Variants in TRIM71 observed in about 807,000 individuals in gnomAD.
The protein encoded by TRIM71 is tripartite motif containing 71.
Under a neutral mutation model 61.2 loss-of-function variants are expected in TRIM71, and 9 were observed. The observed-to-expected ratio is 0.15, with a 90% CI of 0.09 to 0.26. The LOEUF (loss-of-function observed/expected upper bound fraction) is 0.26. Ranked by LOEUF, TRIM71 falls within the 10% of genes least tolerant of loss-of-function variation. TRIM71 has a pLI of 1.00. For missense variants in TRIM71, 998 were observed against 1,238.7 expected (o/e 0.81, Z 2.92); for synonymous variants, 645 against 553.2 (o/e 1.17, Z -2.33).
intron 1 of TRIM71, among the ~76,000 whole-genome samples, chr3:32,850,896 C>G (rs919305262): frequency 6.6e-6 from 1 of 152,204 alleles, no homozygotes; most frequent in Admixed American, 6.5e-5. Flanking sequence ...TCTCCACCCC[C>G]ACCACCCACC....
chr3:32,882,906 C>G (rs1477635080), intron 2 of TRIM71, among the ~76,000 whole-genome samples: 1 of 152,196 alleles, frequency 6.6e-6, no homozygotes, highest in African/African-American at 2.4e-5. Flanking sequence ...TCAGATCTTG[C>G]CACTCTCAGA....
At position 32,890,200 on chromosome 3, in the gene TRIM71, T is replaced by TG. The variant is rs1190098580; in HGVS notation, c.1156-159dup. Among the ~76,000 whole-genome samples, 1 of 152,204 alleles carries TG rather than the reference T, an allele frequency of 6.6e-6. No individual in the cohort carries two copies. Among genetic ancestry groups the TG allele is most frequent in the African/African-American group, 2.4e-5 (1 of 41,434 alleles). On this transcript the variant is annotated intron_variant, in intron 3 of 3. Coordinates refer to ENST00000383763, the MANE Select transcript of TRIM71 (RefSeq NM_001039111.3). This position sits in a 1 kb window ranked among gnomAD's most constrained non-coding sequence, Gnocchi z 6.2. ...GTTCTTCAGGTTTTTTGGTCCATTT[T>TG]GATTTTGCTGCTTTTGAAGAAAGAC...
chr3:32,824,890 G>A (rs1214246609), intron 1 of TRIM71, among the ~76,000 whole-genome samples: 2 of 152,186 alleles, frequency 1.3e-5, no homozygotes, highest in Non-Finnish European at 2.9e-5. Flanking sequence ...CGCCTCCCTG[G>A]TTCAAGCAAT....
rs188913884 is a variant in TRIM71 at position 32,892,016 on chromosome 3, A to G, written c.*205A>G. On this transcript the variant is annotated 3_prime_UTR_variant, in exon 4 of 4. Transcript: ENST00000383763. ...TCTTTATTTTTTTACAGATGAATGT[A>G]CTTATCTTTTCTGCAGGGATTGAGC... The G allele has an allele frequency of 9.8e-5, 66 of 671,288 alleles. No individual in the cohort carries two copies. In the East Asian group the frequency reaches 2.0e-3, roughly 20 times the overall value. 41.6% of individuals were successfully genotyped at this position (671,288 alleles called of 1,614,324 possible).
chr3:32,880,661 A>T (rs1380415533), intron 2 of TRIM71, among the ~76,000 whole-genome samples: 1 of 152,180 alleles, frequency 6.6e-6, no homozygotes, highest in Non-Finnish European at 1.5e-5. Context: ...GTAGCACCTC[A>T]TCACTGTTGT....
rs36138060 is a variant in TRIM71 at position 32,855,990 on chromosome 3, TTTTATTTA to T, written c.853-17808_853-17801del. On this transcript the variant is annotated intron_variant, in intron 1 of 3. Transcript: ENST00000383763. ...GAAGGTACCTAGTTTTCTCTAATAG[TTTTATTTA>T]TTTATTTATTTATTTATTTTTGCTT... Among the ~76,000 whole-genome samples, 106 of 151,124 alleles carry T rather than the reference TTTTATTTA, an allele frequency of 7.0e-4. No homozygotes were observed. The South Asian group carries it at 0.012, about 17-fold the overall frequency.
At chr3:32,845,722 T>G (rs1696463194) in intron 1 of TRIM71, among the ~76,000 whole-genome samples, 1 of 152,010 alleles carries the variant, frequency 6.6e-6, no homozygotes, top group African/African-American at 2.4e-5. Flanking sequence ...TTGGATCTTT[T>G]TTTTTTTTTG....
At chr3:32,864,859 T>TGG (rs1015053616) in intron 1 of TRIM71, among the ~76,000 whole-genome samples, 3 of 24,006 alleles carry the variant, frequency 1.2e-4, no homozygotes, top group African/African-American at 3.6e-4. Flanking sequence ...TGTGTGTGTG[T>TGG]GTGTGTGTGT....
chr3:32,857,787 A>G (rs907328006), intron 1 of TRIM71, among the ~76,000 whole-genome samples: 3 of 152,198 alleles, frequency 2.0e-5, no homozygotes, highest in Non-Finnish European at 4.4e-5. Context: ...CCTGGCCAAC[A>G]TGGCGAAACC....
intron 1 of TRIM71, among the ~76,000 whole-genome samples, chr3:32,851,040 T>TTTCTTATGG (rs1475485030): frequency 2.0e-5 from 3 of 152,200 alleles, no homozygotes; most frequent in African/African-American, 7.2e-5. Context: ...CCTGTTTTGT[T>TTTCTTATGG]TTCTTATGGT....
In TRIM71 at chr3:32,829,945, T is replaced by TTC. The variant is rs1553643480; in HGVS notation, c.852+11013_852+11014insTC. 1.5e-3 allele frequency among the ~76,000 whole-genome samples: 208 copies of TTC among 141,272 alleles called. 7 individuals are homozygous for TTC. The East Asian group carries it at 0.023, about 16-fold the overall frequency. The allele number at this position is 141,272 out of a possible 152,430, so 92.7% of individuals were successfully genotyped here. ...GAATTTTTTTTTTTTTTTTTTTTTT[T>TTC]CGAGATGGAGTCTTGCTCTGTCGCC... On this transcript the variant is annotated intron_variant, in intron 1 of 3. Coordinates refer to ENST00000383763, the MANE Select transcript of TRIM71 (RefSeq NM_001039111.3).
Position 32,892,610 on chromosome 3 carries a change from C to G in TRIM71, c.*799C>G, listed in dbSNP as rs1310848680. On this transcript the variant is annotated 3_prime_UTR_variant, in exon 4 of 4. Transcript: ENST00000383763. ...GTTTGTTTCAAAGCCATCTTGCACC[C>G]AAGTAGTAAAGCTGAAAATGACACA... 4 of 152,102 alleles carry G rather than the reference C, an allele frequency of 2.6e-5. No homozygotes were observed. The highest frequency in any genetic ancestry group is 9.7e-5 in the African/African-American group (4 of 41,414). 9.4% of individuals were successfully genotyped at this position (152,102 alleles called of 1,614,324 possible).
intron 2 of TRIM71, among the ~76,000 whole-genome samples, chr3:32,883,292 G>GCTT (rs1696928540): frequency 6.6e-6 from 1 of 152,136 alleles, no homozygotes; most frequent in Non-Finnish European, 1.5e-5. Context: ...CACTTTATTG[G>GCTT]CTTCTGTATT....
intron 1 of TRIM71, among the ~76,000 whole-genome samples, chr3:32,862,915 T>C (rs1696687786): frequency 6.6e-6 from 1 of 152,148 alleles, no homozygotes. Flanking sequence ...AGGTTGCCTC[T>C]TGCGAGATAT....
chr3:32,859,175 A>G (rs1226087627), intron 1 of TRIM71, among the ~76,000 whole-genome samples: 1 of 152,188 alleles, frequency 6.6e-6, no homozygotes, highest in Non-Finnish European at 1.5e-5. Context: ...TCTGATTAAC[A>G]TTCATACCTG....
chr3:32,851,075 C>T (rs1422692316), intron 1 of TRIM71, among the ~76,000 whole-genome samples: 3 of 152,180 alleles, frequency 2.0e-5, no homozygotes, highest in African/African-American at 4.8e-5. Context: ...TAGAAAGCTC[C>T]GCTTTCTCAC....
intron 1 of TRIM71, among the ~76,000 whole-genome samples, chr3:32,860,775 C>T (rs543198137): frequency 1.3e-5 from 2 of 152,190 alleles, no homozygotes; most frequent in Non-Finnish European, 2.9e-5. Flanking sequence ...CTGGGCTCTG[C>T]GTGGCTGGCC....
At chr3:32,888,427 T>C (rs777356572) in intron 3 of TRIM71, among the ~76,000 whole-genome samples, 49 of 89,314 alleles carry the variant, frequency 5.5e-4, no homozygotes, top group Admixed American at 3.7e-3. Flanking sequence ...TAAGACCCCA[T>C]CTCTACCAAA....
intron 1 of TRIM71, among the ~76,000 whole-genome samples, chr3:32,863,606 T>C (rs1285566501): frequency 6.6e-6 from 1 of 152,184 alleles, no homozygotes; most frequent in Non-Finnish European, 1.5e-5. Context: ...TTATGCAATA[T>C]ATTCTCTTGA....
Sources: gnomAD v4.1 joint callset for allele counts (sites outside exome capture counted in the v4.1 genomes callset) on GRCh38, gnomAD v4.1.1 for gene constraint, Gnocchi (gnomAD v3.1) non-coding constraint, MANE v1.5 for transcripts, NCBI Gene and HGNC (gene_info 2026-07-23, HGNC 2026-07-21) for gene names.